The following TMEM150B variants were observed in gnomAD, a reference collection of about 807,000 sequenced individuals.
TMEM150B encodes the protein transmembrane protein 150B, also known as modulator of macroautophagy TMEM150B.
TMEM150B carries 33 observed loss-of-function variants against 25.2 expected under a neutral mutation model. The observed-to-expected ratio is 1.31, with a 90% CI of 0.99 to 1.75. The LOEUF is 1.75. TMEM150B is among the 40% of genes most tolerant of loss of function. TMEM150B has a pLI of 0.00. For synonymous variants in TMEM150B, 133 were observed against 134.8 expected (o/e 0.99, Z 0.09); for missense variants, 322 against 306.1 (o/e 1.05, Z -0.39).
At chr19:55,319,791 A>G (rs2089140586) in intron 6 of TMEM150B, 9 of 1,326,354 alleles carry the variant, frequency 6.8e-6, no homozygotes, top group Non-Finnish European at 8.7e-6. Context: ...AGGGGCTGGC[A>G]GAAAATTATC....
intron 3 of TMEM150B, 61 bp from the exon 4 acceptor site, chr19:55,320,678 A>G: frequency 1.2e-6 from 2 of 1,601,746 alleles, no homozygotes; most frequent in Non-Finnish European, 1.7e-6. Context: ...TCTGTTAACC[A>G]AACAAACAAG....
chr19:55,321,128 A>G, intron 2 of TMEM150B, 35 bp from the exon 3 acceptor site: 1 of 1,504,150 alleles, frequency 6.6e-7, no homozygotes, highest in Non-Finnish European at 8.9e-7. Context: ...GCCCAGGTGC[A>G]TGAGATTGTG....
At chr19:55,313,115 CTG>C (rs2088862876) in intron 7 of TMEM150B, 60 bp from the exon 8 acceptor site, 2 of 1,513,408 alleles carry the variant, frequency 1.3e-6, no homozygotes, top group Non-Finnish European at 1.8e-6. Flanking sequence ...GGCCTGGTCT[CTG>C]TGCCGCCTCG....
In TMEM150B at chr19:55,314,430, G is replaced by C. The variant is rs79261204; in HGVS notation, c.506-1375C>G. ...CCTGCCAGCAGCCTCACTCCTCCCT[G>C]GGCTGGTCTTTCTGCTCGGTGCGTG... On this transcript the variant is annotated intron_variant, in intron 7 of 7. Coordinates refer to ENST00000326652, the MANE Select transcript of TMEM150B (RefSeq NM_001282011.2). Among the ~76,000 whole-genome samples the C allele has an allele frequency of 7.0e-3, 1,060 of 152,256 alleles. 9 individuals are homozygous for C. Among genetic ancestry groups the C allele is most frequent in the African/African-American group, 0.024 (1,008 of 41,544 alleles).
downstream of TMEM150B, chr19:55,312,055 C>T (rs1244846157): frequency 8.3e-6 from 12 of 1,453,786 alleles, no homozygotes; most frequent in African/African-American, 1.5e-5. Context: ...ACCAACGGGA[C>T]CCCTCTGCCC....
rs373028036 is a variant in TMEM150B, at chr19:55,318,213, T to C, written c.325-1247A>G. 6.0e-5 allele frequency among the ~76,000 whole-genome samples: 9 copies of C among 151,098 alleles called. No individual in the cohort carries two copies. The East Asian group carries it at 1.6e-3, about 26-fold the overall frequency. ...TTATCTCTACTAAAAATGCAAAAAG[T>C]AGCCGGGCGTGGTGGTGAGCGCCTG... On this transcript the variant is annotated intron_variant, in intron 6 of 7. Transcript: ENST00000326652.
At chr19:55,311,554 C>T (rs1443955359), downstream of TMEM150B, among the ~76,000 whole-genome samples, 5 of 152,278 alleles carry the variant, frequency 3.3e-5, no homozygotes, top group East Asian at 5.8e-4. Context: ...TTGCTGTGAA[C>T]GTTGAGCACC....
intron 1 of TMEM150B, among the ~76,000 whole-genome samples, chr19:55,323,138 A>G (rs1397272774): frequency 6.6e-6 from 1 of 152,230 alleles, no homozygotes; most frequent in African/African-American, 2.4e-5. Flanking sequence ...GCCATTTTAA[A>G]GTGTACGACT....
intron 6 of TMEM150B, among the ~76,000 whole-genome samples, chr19:55,318,484 A>T (rs1356794130): frequency 6.6e-6 from 1 of 152,038 alleles, no homozygotes. Context: ...ATACAAAAAA[A>T]ATTTAGCCAG....
chr19:55,312,533 C>CAAAAAAAAA (rs372052269), downstream of TMEM150B: 2 of 25,730 alleles, frequency 7.8e-5, no homozygotes, highest in African/African-American at 1.8e-4. Flanking sequence ...CCGCCGGCGG[C>CAAAAAAAAA]AAAAAAAAAA....
chr19:55,312,873 G>T lies in TMEM150B; in HGVS notation c.688C>A (p.Pro230Thr). Reference protein sequence around the residue: ...SPPPASPISLPVQL With the variant: ...SPPPASPISLTVQL ...CAGGGTGCCTGCTACAGCTGGACCG[G>T]CAGGGAGATGGGGGAGGCCGGCGGG... Residue 230 changes from proline (P) to threonine (T), a missense_variant, in exon 8 of 8, where the codon CCG becomes ACG. Coordinates refer to ENST00000326652, the MANE Select transcript of TMEM150B (RefSeq NM_001282011.2). 1 of 1,593,138 alleles carries T rather than the reference G, an allele frequency of 6.3e-7. No homozygotes were observed. The highest frequency in any genetic ancestry group is 8.5e-7 in the Non-Finnish European group (1 of 1,171,072).
Position 55,312,976 on chromosome 19 carries a change from G to A in TMEM150B, c.585C>T (p.Leu195=), listed in dbSNP as rs970650536. The A allele has an allele frequency of 6.2e-7, 1 of 1,613,720 alleles. No individual in the cohort carries two copies. The highest frequency in any genetic ancestry group is 8.5e-7 in the Non-Finnish European group (1 of 1,179,864). The change falls in exon 8 of 8, where the codon CTC becomes CTT. Residue 195 remains leucine (L), a synonymous_variant. Coordinates refer to ENST00000326652, the MANE Select transcript of TMEM150B (RefSeq NM_001282011.2). The part of the protein sequence containing the change: ...EWVVAMLLFA[L]FGLLAVDFSA... ...AGAAGTCAACGGCTAAGAGACCGAA[G>A]AGCGCGAACAGCAGCATGGCCACGA...
At chr19:55,324,087 C>A (rs959519481) in intron 1 of TMEM150B, among the ~76,000 whole-genome samples, 1 of 152,006 alleles carries the variant, frequency 6.6e-6, no homozygotes, top group African/African-American at 2.4e-5. Context: ...GGATTACAGG[C>A]GGAAGCCATC....
intron 6 of TMEM150B, 32 bp downstream of exon 6, chr19:55,320,007 G>A (rs2089150784): frequency 6.2e-7 from 1 of 1,613,588 alleles, no homozygotes; most frequent in Non-Finnish European, 8.5e-7. Context: ...GACGCCGGCC[G>A]GGACAGACCC....
chr19:55,320,925 C>T (rs2089189213), intron 3 of TMEM150B, 44 bp downstream of exon 3: 3 of 1,606,054 alleles, frequency 1.9e-6, no homozygotes, highest in Non-Finnish European at 2.6e-6. Context: ...CCCCAGCCCC[C>T]TCCACCCTCA....
chr19:55,315,845 G>A (rs369743322), intron 7 of TMEM150B, among the ~76,000 whole-genome samples: 304 of 152,190 alleles, frequency 2.0e-3, no homozygotes, highest in African/African-American at 6.7e-3. Flanking sequence ...CAGGAGAATC[G>A]CTTGAACCCG....
chr19:55,318,635 C>A (rs921990628), intron 6 of TMEM150B, among the ~76,000 whole-genome samples: 4 of 152,024 alleles, frequency 2.6e-5, no homozygotes, highest in Non-Finnish European at 5.9e-5. Flanking sequence ...GACTCCATCT[C>A]CAATATATGT....
intron 7 of TMEM150B, among the ~76,000 whole-genome samples, chr19:55,315,810 G>A (rs567186054): frequency 6.6e-6 from 1 of 151,264 alleles, no homozygotes; most frequent in East Asian, 1.9e-4. Flanking sequence ...GGTGCCTGTA[G>A]TCCCAGCTAC....
Position 55,320,968 on chromosome 19 carries a change from C to A in TMEM150B, c.68+1G>T. 1 of 1,613,790 alleles carries A rather than the reference C, an allele frequency of 6.2e-7. No individual in the cohort carries two copies. The highest frequency in any genetic ancestry group is 8.5e-7 in the Non-Finnish European group (1 of 1,179,804). The stretch of plus-strand genomic sequence containing the variant: ...GAGTCCATCATGCCTCTGACACTCA[C>A]ACGATCCAGACGCCAGAGATAGCCC... On this transcript the variant is annotated splice_donor_variant, in intron 3 of 7. Coordinates refer to ENST00000326652, the MANE Select transcript of TMEM150B (RefSeq NM_001282011.2). LOFTEE classifies it high-confidence loss of function.
Sources: gnomAD v4.1 joint callset for allele counts (sites outside exome capture counted in the v4.1 genomes callset) on GRCh38, gnomAD v4.1.1 for gene constraint, MANE v1.5 for transcripts, NCBI Gene and HGNC (gene_info 2026-07-23, HGNC 2026-07-21) for gene names.